Variants in PLPPR4 observed in about 807,000 individuals in gnomAD.
PLPPR4 encodes phospholipid phosphatase-related protein type 4.
PLPPR4 carries 24 observed loss-of-function variants against 56.6 expected under a neutral mutation model. That is an observed-to-expected ratio of 0.42 (90% CI 0.31 to 0.60). The LOEUF is 0.60. Ranked by LOEUF, PLPPR4 falls within the 20% of genes least tolerant of loss-of-function variation. The pLI is 0.13. For synonymous variants in PLPPR4, 326 were observed against 328.1 expected (o/e 0.99, Z 0.07); for missense variants, 654 against 885.8 (o/e 0.74, Z 3.32).
intron 6 of PLPPR4, among the ~76,000 whole-genome samples, chr1:99,303,102 G>A (rs1266033456): frequency 1.3e-5 from 2 of 152,134 alleles, no homozygotes; most frequent in Non-Finnish European, 2.9e-5. Context: ...AAAGTGATGT[G>A]TATGTGTGTA....
upstream of PLPPR4, chr1:99,264,414 C>G: frequency 6.9e-7 from 1 of 1,447,086 alleles, no homozygotes; most frequent in South Asian, 1.4e-5. Flanking sequence ...AGCTGGGTTG[C>G]TGCAAAAAGG....
chr1:99,299,293 T>A, intron 4 of PLPPR4, 63 bp downstream of exon 4: 1 of 1,253,380 alleles, frequency 8.0e-7, no homozygotes, highest in Admixed American at 1.9e-5. Context: ...CTGCTTGGAG[T>A]ATCACTTTAA....
chr1:99,286,073 G>A (rs1331557016), intron 1 of PLPPR4, among the ~76,000 whole-genome samples: 3 of 152,186 alleles, frequency 2.0e-5, no homozygotes, highest in African/African-American at 2.4e-5. Context: ...ACAAAGCCTA[G>A]AAAGTACACT....
At chr1:99,269,166 A>G (rs1440060176) in intron 1 of PLPPR4, among the ~76,000 whole-genome samples, 1 of 152,158 alleles carries the variant, frequency 6.6e-6, no homozygotes, top group Non-Finnish European at 1.5e-5. Flanking sequence ...ATGAGTGAGA[A>G]CATCTGGTGT....
At chr1:99,299,300 T>C in intron 4 of PLPPR4, 70 bp downstream of exon 4, 6 of 1,073,150 alleles carry the variant, frequency 5.6e-6, no homozygotes, top group Non-Finnish European at 8.4e-6. Context: ...GAGTATCACT[T>C]TAAGCATGCC....
intron 6 of PLPPR4, among the ~76,000 whole-genome samples, chr1:99,304,588 T>C (rs1281829482): frequency 6.6e-6 from 1 of 152,208 alleles, no homozygotes; most frequent in Non-Finnish European, 1.5e-5. Context: ...ATTTAGAAGA[T>C]GGTTTCAACC....
Position 99,269,002 on chromosome 1 carries a change from G to A in PLPPR4, c.78+4331G>A, listed in dbSNP as rs181306470. Among the ~76,000 whole-genome samples, 51 of 152,202 alleles carry A rather than the reference G, an allele frequency of 3.4e-4. No homozygotes were observed. In the East Asian group the frequency reaches 8.1e-3, roughly 24 times the overall value. On this transcript the variant is annotated intron_variant, in intron 1 of 6. Transcript: ENST00000370185. ...GCAGTTTTGTTACATAGGTATACAC[G>A]TGCCATGGTGGTTTGCTGCACCCAT...
Position 99,300,760 on chromosome 1 carries a change from T to C in PLPPR4, c.591-149T>C, listed in dbSNP as rs907234760. 6 of 643,824 alleles carry C rather than the reference T, an allele frequency of 9.3e-6. No individual in the cohort carries two copies. The African/African-American group carries it at 1.1e-4, about 12-fold the overall frequency. The allele number at this position is 643,824 out of a possible 1,614,324, so 39.9% of individuals were successfully genotyped here. A position where few individuals can be genotyped will look rare whatever the true frequency, so the allele number is the denominator to read the frequency against. The stretch of plus-strand genomic sequence containing the variant: ...CAGCATTTATTTTATCACTAAGGTC[T>C]TTCACCAGAAAGCTGGACAGAAGGT... On this transcript the variant is annotated intron_variant, in intron 4 of 6. Transcript: ENST00000370185.
At chr1:99,302,382 C>A (rs181556367) in intron 6 of PLPPR4, among the ~76,000 whole-genome samples, 52 of 152,124 alleles carry the variant, frequency 3.4e-4, no homozygotes, top group Middle Eastern at 6.8e-3. Context: ...CATAAGGAAA[C>A]TGAGATTGTC....
At chr1:99,274,838 A>G (rs922558955) in intron 1 of PLPPR4, among the ~76,000 whole-genome samples, 2 of 152,144 alleles carry the variant, frequency 1.3e-5, no homozygotes, top group African/African-American at 2.4e-5. Context: ...CTAAAATATC[A>G]TATATAAACT....
chr1:99,307,217 G>C lies in PLPPR4; in HGVS notation c.*207G>C. On this transcript the variant is annotated 3_prime_UTR_variant, in exon 7 of 7. Coordinates refer to ENST00000370185, the MANE Select transcript of PLPPR4 (RefSeq NM_014839.5). ...AGCACAATGCAAGAACCTAACTAAC[G>C]TGATGATATGAAGAGTTTTCTTAAG... 1.8e-6 allele frequency: 1 copy of C among 558,802 alleles called. No individual in the cohort carries two copies. 34.6% of individuals were successfully genotyped at this position (558,802 alleles called of 1,614,324 possible).
At chr1:99,282,008 G>A (rs1415465141) in intron 1 of PLPPR4, among the ~76,000 whole-genome samples, 1 of 152,072 alleles carries the variant, frequency 6.6e-6, no homozygotes, top group Non-Finnish European at 1.5e-5. Flanking sequence ...CCAAAAGTGA[G>A]GATTTTGCTG....
At chr1:99,280,081 T>A (rs181420529) in intron 1 of PLPPR4, among the ~76,000 whole-genome samples, 5 of 152,256 alleles carry the variant, frequency 3.3e-5, no homozygotes, top group Non-Finnish European at 5.9e-5. Context: ...TTTTTCAAAC[T>A]GCACCTTTCC....
intron 2 of PLPPR4, among the ~76,000 whole-genome samples, chr1:99,291,061 A>G (rs562748529): frequency 6.6e-6 from 1 of 152,026 alleles, no homozygotes; most frequent in Non-Finnish European, 1.5e-5. Flanking sequence ...AAGGTCTAAT[A>G]TCTAGCATTT....
chr1:99,291,936 T>C (rs1328778133), intron 2 of PLPPR4, among the ~76,000 whole-genome samples: 1 of 151,940 alleles, frequency 6.6e-6, no homozygotes, highest in African/African-American at 2.4e-5. Context: ...TTTAGATAGA[T>C]AGATAGAGTT....
intron 4 of PLPPR4, among the ~76,000 whole-genome samples, chr1:99,299,677 G>A (rs1362580624): frequency 6.6e-6 from 1 of 151,842 alleles, no homozygotes; most frequent in Admixed American, 6.6e-5. Flanking sequence ...GTTTGAGGAG[G>A]GGTAACATCT....
chr1:99,273,187 T>C (rs1184297527), intron 1 of PLPPR4, among the ~76,000 whole-genome samples: 1 of 152,102 alleles, frequency 6.6e-6, no homozygotes, highest in South Asian at 2.1e-4. Context: ...CTGAACCAAT[T>C]GCACTTAGGT....
Position 99,274,814 on chromosome 1 carries a change from A to T in PLPPR4, c.78+10143A>T, listed in dbSNP as rs559129342. On this transcript the variant is annotated intron_variant, in intron 1 of 6. Transcript: ENST00000370185. ...TAATCTGTAAGCCACTGCCATTCTT[A>T]TCTTTCCAGAGTTCTAAAATATCAT... Among the ~76,000 whole-genome samples the T allele has an allele frequency of 2.2e-4, 34 of 152,282 alleles. 1 individual carries two copies. The South Asian group carries it at 6.6e-3, about 30-fold the overall frequency.
In PLPPR4 at chr1:99,264,578, C is replaced by G; in HGVS notation, c.-16C>G. 6.4e-7 allele frequency: 1 copy of G among 1,550,870 alleles called. No individual in the cohort carries two copies. Among genetic ancestry groups the G allele is most frequent in the Non-Finnish European group, 8.7e-7 (1 of 1,147,042 alleles). ...CCTCGCCCGGGGGAGGACGCAGACCCGGGCAGGCGGCAGGGATGTCGGCGA... is the reference window on the plus strand; with the variant it reads ...CCTCGCCCGGGGGAGGACGCAGACCGGGGCAGGCGGCAGGGATGTCGGCGA... On this transcript the variant is annotated 5_prime_UTR_variant, in exon 1 of 7. Transcript: ENST00000370185.
Sources: gnomAD v4.1 joint callset for allele counts (sites outside exome capture counted in the v4.1 genomes callset) on GRCh38, gnomAD v4.1.1 for gene constraint, MANE v1.5 for transcripts, NCBI Gene and HGNC (gene_info 2026-07-23, HGNC 2026-07-21) for gene names.